The following MED27 variants were observed in gnomAD, a reference collection of about 807,000 sequenced individuals.
MED27 encodes the protein mediator complex subunit 27, also known as mediator of RNA polymerase II transcription subunit 27.
MED27 carries 30 observed loss-of-function variants against 38.2 expected under a neutral mutation model. That is an observed-to-expected ratio of 0.79 (90% CI 0.59 to 1.07). The LOEUF (loss-of-function observed/expected upper bound fraction) is 1.07. Among genes scored for constraint, MED27 ranks in the 50% least tolerant of loss-of-function variants. The pLI is 0.00. For missense variants in MED27, 289 were observed against 397.5 expected (o/e 0.73, Z 2.32); for synonymous variants, 122 against 153.5 (o/e 0.79, Z 1.52).
intron 3 of MED27, among the ~76,000 whole-genome samples, chr9:131,969,635 G>A (rs1212161237): frequency 6.6e-6 from 1 of 152,158 alleles, no homozygotes; most frequent in African/African-American, 2.4e-5. Context: ...AGGGATTGGA[G>A]AGGGAGCCAG....
At chr9:132,011,199 T>C (rs1832479418) in intron 3 of MED27, among the ~76,000 whole-genome samples, 1 of 152,186 alleles carries the variant, frequency 6.6e-6, no homozygotes, top group Non-Finnish European at 1.5e-5. Flanking sequence ...ATACTCCTTT[T>C]TGGAGATTAT....
At chr9:131,925,356 T>C (rs1352357823) in intron 4 of MED27, among the ~76,000 whole-genome samples, 1 of 152,192 alleles carries the variant, frequency 6.6e-6, no homozygotes, top group African/African-American at 2.4e-5. Flanking sequence ...GGGGTGTCTT[T>C]CCCCTCAAGC....
At chr9:132,058,531 G>A (rs1352219200) in intron 2 of MED27, among the ~76,000 whole-genome samples, 4 of 152,012 alleles carry the variant, frequency 2.6e-5, no homozygotes, top group African/African-American at 4.8e-5. Flanking sequence ...CTCTCCTGCC[G>A]CCATGTGAAG....
At chr9:131,910,688 C>T (rs916452980) in intron 4 of MED27, among the ~76,000 whole-genome samples, 11 of 152,132 alleles carry the variant, frequency 7.2e-5, no homozygotes, top group Non-Finnish European at 1.3e-4. Context: ...TAAACAACAC[C>T]GGCTAAGGTC....
At chr9:131,947,375 T>C (rs114043151) in intron 3 of MED27, among the ~76,000 whole-genome samples, 264 of 152,328 alleles carry the variant, frequency 1.7e-3, no homozygotes, top group African/African-American at 6.2e-3. Context: ...CAGTGCCTCT[T>C]AGAAGCAAAA....
chr9:131,867,785 G>C (rs1838761773), intron 6 of MED27, among the ~76,000 whole-genome samples: 1 of 152,248 alleles, frequency 6.6e-6, no homozygotes, highest in Non-Finnish European at 1.5e-5. Context: ...GAGAATGCGA[G>C]GCTGGTGAAC....
intron 3 of MED27, among the ~76,000 whole-genome samples, chr9:131,970,364 C>T (rs1362223756): frequency 6.6e-6 from 1 of 152,244 alleles, no homozygotes; most frequent in Admixed American, 6.5e-5. Flanking sequence ...CCACAGAGTG[C>T]AGACAGGTAC....
intron 3 of MED27, among the ~76,000 whole-genome samples, chr9:131,996,654 A>G (rs189034283): frequency 2.0e-5 from 3 of 152,344 alleles, no homozygotes; most frequent in Admixed American, 2.0e-4. Context: ...TGAAGAACAC[A>G]GCACAGTTGG....
At chr9:131,929,361 T>C (rs533119109) in intron 4 of MED27, among the ~76,000 whole-genome samples, 4 of 152,290 alleles carry the variant, frequency 2.6e-5, no homozygotes, top group Non-Finnish European at 4.4e-5. Flanking sequence ...AAAGGGACTT[T>C]GCCTTGCCCC....
chr9:131,981,135 A>C (rs1248166621), intron 3 of MED27, among the ~76,000 whole-genome samples: 1 of 152,224 alleles, frequency 6.6e-6, no homozygotes, highest in African/African-American at 2.4e-5. Context: ...CAAAATATAA[A>C]TATGATTTCA....
chr9:131,931,018 G>A (rs1336048125), intron 4 of MED27, among the ~76,000 whole-genome samples: 1 of 152,156 alleles, frequency 6.6e-6, no homozygotes, highest in Non-Finnish European at 1.5e-5. Flanking sequence ...AGCCAAGGGG[G>A]CAGACTGCTT....
At chr9:131,903,090 T>G (rs1337779984) in intron 4 of MED27, among the ~76,000 whole-genome samples, 1 of 152,190 alleles carries the variant, frequency 6.6e-6, no homozygotes, top group Non-Finnish European at 1.5e-5. Flanking sequence ...ACGGGTGTAT[T>G]AGTCCATTTT....
chr9:131,943,933 G>A (rs1048003302), intron 3 of MED27, among the ~76,000 whole-genome samples: 4 of 152,124 alleles, frequency 2.6e-5, no homozygotes, highest in Non-Finnish European at 4.4e-5. Context: ...AGTATGTTCG[G>A]ATAGAAAACG....
chr9:132,074,053 A>G (rs1833997535), intron 2 of MED27, among the ~76,000 whole-genome samples: 1 of 152,260 alleles, frequency 6.6e-6, no homozygotes, highest in Admixed American at 6.5e-5. Flanking sequence ...AATAAGCACT[A>G]TCAAGTCTAC....
chr9:131,870,237 G>C (rs986682006), intron 6 of MED27, among the ~76,000 whole-genome samples: 2 of 152,222 alleles, frequency 1.3e-5, no homozygotes, highest in African/African-American at 4.8e-5. Context: ...TGCAAGAGCT[G>C]GTCTACGCTG....
At chr9:131,905,863 T>C (rs1215758451) in intron 4 of MED27, among the ~76,000 whole-genome samples, 2 of 152,132 alleles carry the variant, frequency 1.3e-5, no homozygotes, top group Non-Finnish European at 2.9e-5. Context: ...CTTCCTCCCA[T>C]CTACCCAGCA....
At chr9:131,975,724 C>T (rs1253866875) in intron 3 of MED27, among the ~76,000 whole-genome samples, 1 of 152,140 alleles carries the variant, frequency 6.6e-6, no homozygotes, top group East Asian at 1.9e-4. Flanking sequence ...TGGAGAAACA[C>T]AATGCATTAT....
In MED27 at chr9:132,077,539, T is replaced by G; in HGVS notation, c.251A>C (p.His84Pro). ...TAACAGCCCACTGTTATGAAGAGGA[T>G]GGTTCTCAGATGGCTTGCCTACCAG... ...SNLVGKPSEN[H>P]PLHNSGLLSL... The change falls in exon 2 of 8, where the codon CAT (histidine) becomes CCT (proline). Residue 84 changes from histidine (H) to proline (P), a missense_variant. Coordinates refer to ENST00000292035, the MANE Select transcript of MED27 (RefSeq NM_004269.4). The G allele has an allele frequency of 6.2e-7, 1 of 1,614,160 alleles. No individual in the cohort carries two copies. Among genetic ancestry groups the G allele is most frequent in the Non-Finnish European group, 8.5e-7 (1 of 1,180,020 alleles).
At chr9:132,071,856 G>GCA (rs143064371) in intron 2 of MED27, among the ~76,000 whole-genome samples, 16 of 149,938 alleles carry the variant, frequency 1.1e-4, no homozygotes, top group Non-Finnish European at 1.6e-4. Flanking sequence ...CCATGAACAA[G>GCA]CACACACACA....
Sources: allele counts gnomAD v4.1 joint callset (sites outside exome capture counted in the v4.1 genomes callset), GRCh38; gene constraint gnomAD v4.1.1; transcripts MANE v1.5; gene names NCBI Gene and HGNC (gene_info 2026-07-23, HGNC 2026-07-21).